The following TBL1XR1 variants were observed in gnomAD, a reference collection of about 807,000 sequenced individuals.
TBL1XR1 encodes TBL1X/Y related 1.
TBL1XR1 carries 5 observed loss-of-function variants against 66.9 expected under a neutral mutation model. The observed-to-expected ratio is 0.07, with a 90% CI of 0.04 to 0.16. The LOEUF is 0.16. Among genes scored for constraint, TBL1XR1 ranks in the 10% least tolerant of loss-of-function variants. The pLI, the probability that TBL1XR1 is intolerant of heterozygous loss-of-function variation, is 1.00. For synonymous variants in TBL1XR1, 210 were observed against 206.0 expected (o/e 1.02, Z -0.17); for missense variants, 238 against 623.2 (o/e 0.38, Z 6.58).
chr3:177,169,160 G>A (rs926935820), intron 1 of TBL1XR1, among the ~76,000 whole-genome samples: 6 of 152,142 alleles, frequency 3.9e-5, no homozygotes, highest in Non-Finnish European at 5.9e-5. Context: ...TAGCGATAAA[G>A]TGGGAATTTA....
At chr3:177,102,006 C>T (rs1291944644) in intron 1 of TBL1XR1, among the ~76,000 whole-genome samples, 1 of 151,624 alleles carries the variant, frequency 6.6e-6, no homozygotes, top group Non-Finnish European at 1.5e-5. Flanking sequence ...AACATAGAAA[C>T]TAATAAGATA....
chr3:177,151,980 C>T (rs1046568401), intron 1 of TBL1XR1, among the ~76,000 whole-genome samples: 5 of 152,230 alleles, frequency 3.3e-5, no homozygotes, highest in African/African-American at 1.2e-4. Context: ...GCCAAGATAG[C>T]GCCATCGCAC....
chr3:177,110,710 A>G (rs895982379), intron 1 of TBL1XR1: 6 of 152,212 alleles, frequency 3.9e-5, no homozygotes, highest in African/African-American at 1.4e-4. Flanking sequence ...CTAGATATGA[A>G]TAAGAATTAA....
chr3:177,112,124 T>TG (rs1725728760), intron 1 of TBL1XR1, among the ~76,000 whole-genome samples: 1 of 126,962 alleles, frequency 7.9e-6, no homozygotes, highest in African/African-American at 3.0e-5. Flanking sequence ...TTTTTTTTTT[T>TG]TGTGAGGGGC....
At chr3:177,201,628 C>T (rs771281518), upstream of TBL1XR1, 9 of 152,114 alleles carry the variant, frequency 5.9e-5, no homozygotes, top group Non-Finnish European at 8.8e-5. Context: ...AAATTGTTTA[C>T]ATTAGCTCAT....
chr3:177,183,077 C>T (rs1735016598), intron 1 of TBL1XR1, among the ~76,000 whole-genome samples: 1 of 152,144 alleles, frequency 6.6e-6, no homozygotes, highest in South Asian at 2.1e-4. Flanking sequence ...TCAGAATCCT[C>T]ATACAGCTTC....
At chr3:177,187,703 C>T (rs1453046170) in intron 1 of TBL1XR1, among the ~76,000 whole-genome samples, 2 of 151,864 alleles carry the variant, frequency 1.3e-5, no homozygotes, top group Non-Finnish European at 2.9e-5. Context: ...TTACAATGTC[C>T]CGCTCTCCAC....
At chr3:177,097,301 T>G (rs1560171632) in intron 2 of TBL1XR1, among the ~76,000 whole-genome samples, 1 of 152,196 alleles carries the variant, frequency 6.6e-6, no homozygotes, top group Non-Finnish European at 1.5e-5. Flanking sequence ...TTTGATTCTT[T>G]AAAAAAGTAA....
At chr3:177,034,117 C>T in intron 13 of TBL1XR1, 81 bp downstream of exon 13, 4 of 1,322,016 alleles carry the variant, frequency 3.0e-6, no homozygotes, top group South Asian at 1.4e-5. Context: ...TTCATGAAAT[C>T]TTCCCTAAAC....
At chr3:177,164,948 T>C (rs1210334302) in intron 1 of TBL1XR1, among the ~76,000 whole-genome samples, 2 of 152,212 alleles carry the variant, frequency 1.3e-5, no homozygotes, top group Non-Finnish European at 2.9e-5. Context: ...TTCGAGTTTG[T>C]TGAAGTTTTA....
intron 1 of TBL1XR1, among the ~76,000 whole-genome samples, chr3:177,101,144 A>G (rs1195990228): frequency 6.6e-6 from 1 of 150,808 alleles, no homozygotes; most frequent in African/African-American, 2.4e-5. Flanking sequence ...GGCGTGAGCC[A>G]CCATGCCCAG....
chr3:177,053,738 G>GA (rs35691407), intron 4 of TBL1XR1, 35 bp downstream of exon 4: 24 of 1,588,038 alleles, frequency 1.5e-5, no homozygotes, highest in Middle Eastern at 2.3e-4. Flanking sequence ...TATTTAAGAT[G>GA]AAAAAAATCA....
chr3:177,054,045 CGTGTGTGTGTGTGTGT>C (rs3046468), intron 3 of TBL1XR1, 127 bp from the exon 4 acceptor site: 9 of 615,556 alleles, frequency 1.5e-5, no homozygotes, highest in Admixed American at 3.2e-5. Context: ...AGACGAAGGT[CGTGTGTGTGTGTGTGT>C]GTGTGTGTGT....
rs534772261 is a variant in TBL1XR1 at position 177,022,666 on chromosome 3, G to A, written c.*2832C>T. 7 of 152,490 alleles carry A rather than the reference G, an allele frequency of 4.6e-5. No individual in the cohort carries two copies. The highest frequency in any genetic ancestry group is 1.7e-4 in the African/African-American group (7 of 41,516). 9.4% of individuals were successfully genotyped at this position (152,490 alleles called of 1,614,324 possible). On this transcript the variant is annotated 3_prime_UTR_variant, in exon 16 of 16. Transcript: ENST00000457928. ...ACTACTGGATTCAATTGATCATCAG[G>A]AATAAGTTCTCAGAAAAACACAGGC...
intron 3 of TBL1XR1, among the ~76,000 whole-genome samples, chr3:177,064,513 A>G (rs1389504994): frequency 1.3e-5 from 2 of 152,220 alleles, no homozygotes; most frequent in African/African-American, 4.8e-5. Flanking sequence ...ATAATTTTGA[A>G]AGCATTCTAG....
chr3:177,088,623 A>G (rs1722444564), intron 2 of TBL1XR1, among the ~76,000 whole-genome samples: 1 of 152,046 alleles, frequency 6.6e-6, no homozygotes, highest in African/African-American at 2.4e-5. Context: ...TTTTAGGCTC[A>G]GTTATTTCAG....
chr3:177,201,734 C>T (rs774576626), upstream of TBL1XR1: 3 of 152,172 alleles, frequency 2.0e-5, no homozygotes, highest in Non-Finnish European at 4.4e-5. Flanking sequence ...ATATTCTTTA[C>T]TCACCCTGGA....
chr3:177,177,271 G>A (rs2108953112), intron 1 of TBL1XR1, among the ~76,000 whole-genome samples: 1 of 152,220 alleles, frequency 6.6e-6, no homozygotes, highest in South Asian at 2.1e-4. Context: ...CCAACACGGT[G>A]AAACCCCATC....
At chr3:177,153,745 C>T (rs1199951061) in intron 1 of TBL1XR1, among the ~76,000 whole-genome samples, 1 of 151,964 alleles carries the variant, frequency 6.6e-6, no homozygotes, top group East Asian at 1.9e-4. Context: ...GGCGTGGTGG[C>T]ACGCGCCTGT....
Sources: gnomAD v4.1 joint callset for allele counts (sites outside exome capture counted in the v4.1 genomes callset) on GRCh38, gnomAD v4.1.1 for gene constraint, MANE v1.5 for transcripts, NCBI Gene and HGNC (gene_info 2026-07-23, HGNC 2026-07-21) for gene names.